The following ELMO1 variants were observed in gnomAD, a reference collection of about 807,000 sequenced individuals.
The protein encoded by ELMO1 is engulfment and cell motility protein 1.
Under a neutral mutation model 98.9 loss-of-function variants are expected in ELMO1, and 26 were observed. The observed-to-expected ratio is 0.26, with a 90% CI of 0.19 to 0.36. The LOEUF (loss-of-function observed/expected upper bound fraction) is 0.36. Among genes scored for constraint, ELMO1 ranks in the 10% least tolerant of loss-of-function variants. The probability of loss-of-function intolerance (pLI) is 1.00; values close to 1 mark genes in which losing one functional copy is unlikely to be tolerated. For synonymous variants in ELMO1, 346 were observed against 346.0 expected (o/e 1.00, Z 0.00); for missense variants, 627 against 935.2 (o/e 0.67, Z 4.30).
At chr7:36,948,036 T>G (rs1334222798) in intron 16 of ELMO1, among the ~76,000 whole-genome samples, 1 of 152,220 alleles carries the variant, frequency 6.6e-6, no homozygotes, top group Non-Finnish European at 1.5e-5. Context: ...TTTGACTTAT[T>G]ATCCCCAACT....
chr7:37,106,566 C>T (rs533763082), intron 14 of ELMO1, among the ~76,000 whole-genome samples: 72 of 152,112 alleles, frequency 4.7e-4, no homozygotes, highest in Non-Finnish European at 8.2e-4. Flanking sequence ...TATAACTTAC[C>T]CAGTCTAGGG....
intron 1 of ELMO1, among the ~76,000 whole-genome samples, chr7:37,383,118 A>G (rs899849211): frequency 2.6e-5 from 4 of 152,242 alleles, no homozygotes; most frequent in Non-Finnish European, 1.5e-5. Flanking sequence ...TATATAATCT[A>G]CAGGCCCTCT....
chr7:37,212,521 C>T (rs908656335), intron 12 of ELMO1, among the ~76,000 whole-genome samples: 2 of 152,162 alleles, frequency 1.3e-5, no homozygotes, highest in Non-Finnish European at 2.9e-5. Context: ...AGTCTCCTCT[C>T]CCTGGGATGA....
At chr7:37,140,236 A>C (rs575873756) in intron 13 of ELMO1, among the ~76,000 whole-genome samples, 35 of 151,838 alleles carry the variant, frequency 2.3e-4, no homozygotes, top group African/African-American at 8.2e-4. Context: ...AATACAAAAA[A>C]TTAGCTGGGC....
At chr7:37,356,731 C>T (rs535284426) in intron 1 of ELMO1, among the ~76,000 whole-genome samples, 3 of 150,374 alleles carry the variant, frequency 2.0e-5, no homozygotes, top group Admixed American at 6.6e-5. Context: ...GCACATTCTG[C>T]ACATGTATCC....
rs948952963 is a variant in ELMO1 at position 37,303,360 on chromosome 7, C to T, written c.192+11490G>A. Reference sequence around the variant, plus strand: ...AGTAGTAAAGTCACTATTTTTTCATCGATATTTCATTTACCCATGACACAC... The same window carrying T: ...AGTAGTAAAGTCACTATTTTTTCATTGATATTTCATTTACCCATGACACAC... On this transcript the variant is annotated intron_variant, in intron 4 of 21. Transcript: ENST00000310758. 6.6e-5 allele frequency among the ~76,000 whole-genome samples: 10 copies of T among 152,166 alleles called. No individual in the cohort carries two copies. The South Asian group carries it at 1.0e-3, about 16-fold the overall frequency.
At chr7:37,202,558 T>A (rs1395224348) in intron 13 of ELMO1, among the ~76,000 whole-genome samples, 1 of 152,214 alleles carries the variant, frequency 6.6e-6, no homozygotes. Context: ...GTTTTGGGGA[T>A]GCGGTATTTT....
intron 15 of ELMO1, among the ~76,000 whole-genome samples, chr7:37,095,785 A>C (rs1341785999): frequency 1.3e-5 from 2 of 152,210 alleles, no homozygotes; most frequent in African/African-American, 4.8e-5. Flanking sequence ...CAGGCAACTG[A>C]ATATTTATGT....
intron 1 of ELMO1, among the ~76,000 whole-genome samples, chr7:37,384,092 G>A (rs903029432): frequency 1.3e-5 from 2 of 152,318 alleles, no homozygotes; most frequent in African/African-American, 4.8e-5. Flanking sequence ...TGGGATTACA[G>A]GCGTGAGCCA....
chr7:37,007,220 A>G (rs1287288337), intron 16 of ELMO1, among the ~76,000 whole-genome samples: 1 of 152,240 alleles, frequency 6.6e-6, no homozygotes, highest in Non-Finnish European at 1.5e-5. Flanking sequence ...AGACAGTTGA[A>G]AAATGGAAAA....
intron 7 of ELMO1, among the ~76,000 whole-genome samples, 188 bp from the exon 8 acceptor site, chr7:37,233,382 G>C (rs1405748626): frequency 6.6e-6 from 1 of 151,478 alleles, no homozygotes; most frequent in Admixed American, 6.6e-5. Flanking sequence ...GATGAGGTTG[G>C]GCAGGACGGC....
chr7:36,940,771 T>C (rs534030308), intron 16 of ELMO1, among the ~76,000 whole-genome samples: 26 of 152,376 alleles, frequency 1.7e-4, no homozygotes, highest in African/African-American at 6.0e-4. Context: ...GTGTCTAGCA[T>C]GTGCAGGCTC....
chr7:37,217,392 C>G (rs1793348024), intron 10 of ELMO1, among the ~76,000 whole-genome samples: 1 of 152,120 alleles, frequency 6.6e-6, no homozygotes, highest in South Asian at 2.1e-4. Flanking sequence ...AATAGTATAT[C>G]AAGCATAGTC....
At chr7:37,368,862 C>T (rs1433161595) in intron 1 of ELMO1, among the ~76,000 whole-genome samples, 1 of 152,166 alleles carries the variant, frequency 6.6e-6, no homozygotes, top group Non-Finnish European at 1.5e-5. Flanking sequence ...CTACATTGGG[C>T]TATTGGTAAA....
At position 36,860,911 on chromosome 7, in the gene ELMO1, G is replaced by A. The variant is rs575473766; in HGVS notation, c.1983+748C>T. Among the ~76,000 whole-genome samples the A allele has an allele frequency of 2.0e-5, 3 of 152,296 alleles. No homozygotes were observed. The East Asian group carries it at 5.8e-4, about 29-fold the overall frequency. ...ACTTCTAAATGAGCTAAATGTCCTA[G>A]GGGAAATGGGGAACAAAAGTCAGAT... On this transcript the variant is annotated intron_variant, in intron 21 of 21. Transcript: ENST00000310758.
At chr7:37,042,437 C>A (rs1183624393) in intron 15 of ELMO1, among the ~76,000 whole-genome samples, 1 of 152,092 alleles carries the variant, frequency 6.6e-6, no homozygotes, top group Admixed American at 6.6e-5. Flanking sequence ...ATTCTGATTT[C>A]TTTCTTTCCT....
intron 6 of ELMO1, among the ~76,000 whole-genome samples, chr7:37,250,441 C>A (rs1257296538): frequency 6.6e-6 from 1 of 152,190 alleles, no homozygotes; most frequent in Non-Finnish European, 1.5e-5. Context: ...AGGCACACTA[C>A]AAATTATTCT....
intron 16 of ELMO1, among the ~76,000 whole-genome samples, chr7:36,947,802 C>A (rs1474681686): frequency 1.3e-5 from 2 of 152,120 alleles, no homozygotes; most frequent in Non-Finnish European, 2.9e-5. Flanking sequence ...CTGGCCTCCA[C>A]CCAAGAGGCC....
intron 17 of ELMO1, among the ~76,000 whole-genome samples, 181 bp from the exon 18 acceptor site, chr7:36,887,853 A>C (rs183734186): frequency 1.9e-4 from 29 of 152,180 alleles, no homozygotes; most frequent in African/African-American, 7.0e-4. Context: ...CATAAGTACA[A>C]CACCACAATA....
Sources: gnomAD v4.1 joint callset for allele counts (sites outside exome capture counted in the v4.1 genomes callset) on GRCh38, gnomAD v4.1.1 for gene constraint, MANE v1.5 for transcripts, NCBI Gene and HGNC (gene_info 2026-07-23, HGNC 2026-07-21) for gene names.